The following MTUS2 variants were observed in gnomAD, a reference collection of about 807,000 sequenced individuals.
The protein encoded by MTUS2 is microtubule associated scaffold protein 2, also known as microtubule-associated tumor suppressor candidate 2.
Under a neutral mutation model 114.1 loss-of-function variants are expected in MTUS2, and 40 were observed. That is an observed-to-expected ratio of 0.35 (90% CI 0.27 to 0.46). The LOEUF is 0.46. Ranked by LOEUF, MTUS2 falls within the 20% of genes least tolerant of loss-of-function variation. MTUS2 has a pLI of 1.00. For missense variants in MTUS2, 1,679 were observed against 1,705.4 expected (o/e 0.98, Z 0.27); for synonymous variants, 688 against 672.0 (o/e 1.02, Z -0.37).
chr13:29,326,068 C>A (rs1483018994), intron 7 of MTUS2, among the ~76,000 whole-genome samples: 1 of 152,204 alleles, frequency 6.6e-6, no homozygotes, highest in African/African-American at 2.4e-5. Context: ...GGTGAGAGAT[C>A]TGAGGACCCT....
chr13:28,841,365 G>A (rs1875468783), intron 2 of MTUS2, among the ~76,000 whole-genome samples: 1 of 152,192 alleles, frequency 6.6e-6, no homozygotes, highest in African/African-American at 2.4e-5. Context: ...AGGGTAAGTA[G>A]GTGGATGTGG....
chr13:29,065,480 T>C (rs1010412997), intron 4 of MTUS2, among the ~76,000 whole-genome samples: 6 of 152,220 alleles, frequency 3.9e-5, no homozygotes, highest in Admixed American at 3.3e-4. Context: ...TGGGGTTGTT[T>C]GTTGTTTTCT....
intron 2 of MTUS2, among the ~76,000 whole-genome samples, chr13:28,986,892 C>G (rs566493164): frequency 6.6e-4 from 101 of 152,176 alleles, no homozygotes; most frequent in Non-Finnish European, 1.1e-3. Context: ...GCTGCATATA[C>G]CTGGTGGCTT....
At chr13:29,370,539 T>G (rs1286208924) in intron 8 of MTUS2, among the ~76,000 whole-genome samples, 1 of 151,962 alleles carries the variant, frequency 6.6e-6, no homozygotes, top group Non-Finnish European at 1.5e-5. Context: ...TATCCTGGAG[T>G]GGACTCTTGA....
chr13:29,425,636 T>C (rs998668087), intron 8 of MTUS2, among the ~76,000 whole-genome samples: 3 of 152,188 alleles, frequency 2.0e-5, no homozygotes, highest in African/African-American at 7.2e-5. Context: ...AGACCTTTGG[T>C]ATTTACCTCT....
intron 6 of MTUS2, among the ~76,000 whole-genome samples, chr13:29,312,533 G>A (rs1449096392): frequency 2.0e-5 from 3 of 152,130 alleles, no homozygotes; most frequent in African/African-American, 7.2e-5. Context: ...TTTAAAAAGG[G>A]CACAATTTTA....
chr13:29,224,253 A>T (rs1480166169), intron 5 of MTUS2, among the ~76,000 whole-genome samples: 1 of 152,224 alleles, frequency 6.6e-6, no homozygotes, highest in African/African-American at 2.4e-5. Flanking sequence ...GTGCTCTCGT[A>T]GTACCTTGGC....
rs1328314615 is a variant in MTUS2 at position 29,026,875 on chromosome 13, G to A, written c.2177G>A (p.Ser726Asn). The A allele has an allele frequency of 6.3e-7, 1 of 1,597,474 alleles. No homozygotes were observed. Among genetic ancestry groups the A allele is most frequent in the African/African-American group, 1.3e-5 (1 of 74,616 alleles). ...ATCAAGCCCCCGGGACATCCTTTCA[G>A]TCAAATGAGTGAAAAGTTTTTGCAG... ...SGIKPPGHPFSQMSEKFLQEV... is the reference protein window; with the variant it reads ...SGIKPPGHPFNQMSEKFLQEV... Residue 726 changes from serine (S) to asparagine (N), a missense_variant, in exon 3 of 16, where the codon AGT becomes AAT. This residue lies in a region of MTUS2 where 822 missense variants were observed against 899.7 expected (regional missense o/e 0.91). Transcript: ENST00000612955.
rs1207785612 is a variant in MTUS2 at position 29,503,269 on chromosome 13, A to G, written c.*63A>G. Reference sequence around the variant, plus strand: ...CCTCCGGTCTCCACCCTGAGGGAGCACCGACCCGGTGCCGCCGGAGCTGGC... The same window carrying G: ...CCTCCGGTCTCCACCCTGAGGGAGCGCCGACCCGGTGCCGCCGGAGCTGGC... On this transcript the variant is annotated 3_prime_UTR_variant, in exon 16 of 16. Transcript: ENST00000612955. 2 of 1,579,242 alleles carry G rather than the reference A, an allele frequency of 1.3e-6. No homozygotes were observed. Among genetic ancestry groups the G allele is most frequent in the Non-Finnish European group, 8.6e-7 (1 of 1,157,864 alleles).
At chr13:28,896,780 T>G (rs1879297414) in intron 2 of MTUS2, among the ~76,000 whole-genome samples, 1 of 152,110 alleles carries the variant, frequency 6.6e-6, no homozygotes, top group African/African-American at 2.4e-5. Flanking sequence ...TTGACAAACC[T>G]GACAAAAACA....
At position 29,020,312 on chromosome 13, in the gene MTUS2, C is replaced by T. The variant is rs564948995; in HGVS notation, c.-242-4145C>T. Among the ~76,000 whole-genome samples, 42 of 152,200 alleles carry T rather than the reference C, an allele frequency of 2.8e-4. No individual in the cohort carries two copies. In the South Asian group the frequency reaches 7.5e-3, roughly 27 times the overall value. ...ACTAGGGGTTTGTACCATTGGTTGACCTATTTGCATATTTTATTTAATCAC... is the reference window on the plus strand; with the variant it reads ...ACTAGGGGTTTGTACCATTGGTTGATCTATTTGCATATTTTATTTAATCAC... On this transcript the variant is annotated intron_variant, in intron 2 of 15. Transcript: ENST00000612955.
At chr13:28,825,917 C>A (rs1675364162) in intron 1 of MTUS2, among the ~76,000 whole-genome samples, 1 of 152,110 alleles carries the variant, frequency 6.6e-6, no homozygotes, top group African/African-American at 2.4e-5. Flanking sequence ...GTGTTCCTGA[C>A]TCTTCTCTGT....
intron 6 of MTUS2, among the ~76,000 whole-genome samples, chr13:29,317,016 A>G (rs1005190225): frequency 6.6e-6 from 1 of 152,182 alleles, no homozygotes; most frequent in Non-Finnish European, 1.5e-5. Context: ...TTTTACACAT[A>G]CATATATTTC....
At chr13:29,050,122 C>T (rs1158527411) in intron 4 of MTUS2, among the ~76,000 whole-genome samples, 2 of 152,158 alleles carry the variant, frequency 1.3e-5, no homozygotes, top group Non-Finnish European at 2.9e-5. Context: ...TCCTTACCTA[C>T]ACACAACTGC....
intron 5 of MTUS2, among the ~76,000 whole-genome samples, chr13:29,281,384 G>A (rs1001841162): frequency 3.3e-5 from 5 of 151,470 alleles, no homozygotes; most frequent in East Asian, 3.9e-4. Context: ...ACACATAAGC[G>A]AACTGTGTGT....
chr13:29,272,105 CT>C (rs1467354791), intron 5 of MTUS2, among the ~76,000 whole-genome samples: 1 of 152,072 alleles, frequency 6.6e-6, no homozygotes, highest in African/African-American at 2.4e-5. Context: ...CTCAGGTTTA[CT>C]TTAGGCCTTT....
At chr13:28,960,637 A>C (rs1027129053) in intron 2 of MTUS2, among the ~76,000 whole-genome samples, 3 of 152,222 alleles carry the variant, frequency 2.0e-5, no homozygotes, top group African/African-American at 7.2e-5. Context: ...TCAAACATGA[A>C]ATGTCTAGAA....
intron 8 of MTUS2, among the ~76,000 whole-genome samples, chr13:29,425,226 C>T (rs952066942): frequency 6.6e-6 from 1 of 152,010 alleles, no homozygotes; most frequent in Non-Finnish European, 1.5e-5. Context: ...CCAGCCTGGC[C>T]AACATGGTGA....
intron 7 of MTUS2, among the ~76,000 whole-genome samples, chr13:29,349,504 C>CT (rs977108406): frequency 6.6e-5 from 10 of 150,966 alleles, no homozygotes; most frequent in African/African-American, 2.4e-4. Flanking sequence ...TTGTGTAGAT[C>CT]TGCACTTCTA....
Sources: gnomAD v4.1 joint callset for allele counts (sites outside exome capture counted in the v4.1 genomes callset) on GRCh38, gnomAD v4.1.1 for gene constraint, gnomAD v4.1.1 regional missense constraint, MANE v1.5 for transcripts, NCBI Gene and HGNC (gene_info 2026-07-23, HGNC 2026-07-21) for gene names.